CDK19: variants seen among roughly 807,000 people sequenced by gnomAD.
CDK19 encodes the protein cyclin dependent kinase 19, also known as cyclin-dependent kinase 19.
Under a neutral mutation model 68.3 loss-of-function variants are expected in CDK19, and 20 were observed. The ratio of observed to expected loss-of-function variants is 0.29; its 90% CI spans 0.21 to 0.43. The LOEUF is 0.43. CDK19 is among the 20% of genes least tolerant of loss of function. CDK19 has a pLI of 1.00. For missense variants in CDK19, 339 were observed against 623.5 expected, an observed-to-expected ratio of 0.54 and a Z score of 4.86; for synonymous variants, 221 against 222.8, an observed-to-expected ratio of 0.99 and a Z score of 0.07.
intron 2 of CDK19, among the ~76,000 whole-genome samples, chr6:110,743,142 C>A (rs1490602282): frequency 6.6e-6 from 1 of 152,018 alleles, no homozygotes; most frequent in African/African-American, 2.4e-5. Context: ...GCTGGTTCCC[C>A]CAATAAAACA....
At chr6:110,729,603 ATTT>A (rs35087722) in intron 2 of CDK19, among the ~76,000 whole-genome samples, 1 of 134,216 alleles carries the variant, frequency 7.5e-6, no homozygotes, top group Admixed American at 7.6e-5. Context: ...TAATTTTTGT[ATTT>A]TTTTTTTTTT....
At chr6:110,672,137 T>C (rs969446767) in intron 2 of CDK19, among the ~76,000 whole-genome samples, 21 of 152,156 alleles carry the variant, frequency 1.4e-4, no homozygotes, top group African/African-American at 5.1e-4. Context: ...TTGAAGCACT[T>C]ACACTGTGGC....
At chr6:110,654,712 G>A (rs1322195417) in intron 4 of CDK19, among the ~76,000 whole-genome samples, 1 of 152,146 alleles carries the variant, frequency 6.6e-6, no homozygotes, top group Admixed American at 6.5e-5. Context: ...AGGCCAAGGC[G>A]GGCAGATGAC....
intron 2 of CDK19, among the ~76,000 whole-genome samples, chr6:110,729,515 G>A (rs900240700): frequency 5.9e-5 from 9 of 151,974 alleles, no homozygotes; most frequent in Non-Finnish European, 1.3e-4. Context: ...TGCAACCTCT[G>A]CCTCCTGGGT....
chr6:110,800,104 C>A (rs1474758530), intron 1 of CDK19, among the ~76,000 whole-genome samples: 1 of 152,072 alleles, frequency 6.6e-6, no homozygotes, highest in Non-Finnish European at 1.5e-5. Flanking sequence ...AACCCACGGA[C>A]AAAAGAGCAC....
intron 2 of CDK19, among the ~76,000 whole-genome samples, chr6:110,673,580 G>A (rs1016053151): frequency 9.2e-5 from 14 of 151,580 alleles, no homozygotes; most frequent in African/African-American, 2.7e-4. Context: ...GTCTCACTAC[G>A]TTGTCCAGGC....
rs541689753 is a variant in CDK19 at position 110,653,491 on chromosome 6, T to C, written c.456+13943A>G. Reference sequence around the variant, plus strand: ...CCAAGTAACACAGACTATGCTTTACTAAAACTCCTCTTCTTACTGTGAACA... The same window carrying C: ...CCAAGTAACACAGACTATGCTTTACCAAAACTCCTCTTCTTACTGTGAACA... On this transcript the variant is annotated intron_variant, in intron 4 of 12. Transcript: ENST00000368911. Among the ~76,000 whole-genome samples the C allele has an allele frequency of 2.0e-5, 3 of 152,342 alleles. 1 individual carries two copies. The South Asian group carries it at 6.2e-4, about 32-fold the overall frequency.
At chr6:110,663,461 T>C (rs1164045023) in intron 4 of CDK19, among the ~76,000 whole-genome samples, 1 of 152,238 alleles carries the variant, frequency 6.6e-6, no homozygotes, top group East Asian at 1.9e-4. Flanking sequence ...ATGGCACAGA[T>C]ATCAGGACTC....
chr6:110,662,207 T>A lies in CDK19; in HGVS notation c.456+5227A>T, dbSNP rs142974645. On this transcript the variant is annotated intron_variant, in intron 4 of 12. Coordinates refer to ENST00000368911, the MANE Select transcript of CDK19 (RefSeq NM_015076.5). Reference sequence around the variant, plus strand: ...CTGGTCTCAAACTCCTGACCTCAGGTGATCCACCCGCCTTGGCCTCCTGAA... The same window carrying A: ...CTGGTCTCAAACTCCTGACCTCAGGAGATCCACCCGCCTTGGCCTCCTGAA... 8.4e-4 allele frequency among the ~76,000 whole-genome samples: 128 copies of A among 152,214 alleles called. 2 individuals carry two copies. The East Asian group carries it at 0.022, about 26-fold the overall frequency.
intron 1 of CDK19, among the ~76,000 whole-genome samples, chr6:110,805,513 G>A (rs1782620889): frequency 6.7e-6 from 1 of 150,158 alleles, no homozygotes; most frequent in South Asian, 2.1e-4. Flanking sequence ...TACCTAAAGG[G>A]TTGGTTCTGG....
chr6:110,630,685 CT>C (rs1383377184), intron 6 of CDK19, among the ~76,000 whole-genome samples: 1 of 152,238 alleles, frequency 6.6e-6, no homozygotes, highest in East Asian at 1.9e-4. Flanking sequence ...TTGGTAGCCT[CT>C]GATCTGCTGC....
At chr6:110,746,068 A>T in intron 2 of CDK19, 58 bp downstream of exon 2, 2 of 847,790 alleles carry the variant, frequency 2.4e-6, no homozygotes, top group Non-Finnish European at 1.8e-6. Flanking sequence ...TTTATATTAA[A>T]ATAAATCATC....
At position 110,779,974 on chromosome 6, in the gene CDK19, C is replaced by T. The variant is rs530749430; in HGVS notation, c.129-33773G>A. ...ATGGCTCACACCTGTAATCCCAGCA[C>T]TTCAGGAGGCCGAGGCAGGCAGATC... is the stretch of plus-strand genomic sequence containing the variant. On this transcript the variant is annotated intron_variant, in intron 1 of 12. Coordinates refer to ENST00000368911, the MANE Select transcript of CDK19 (RefSeq NM_015076.5). Among the ~76,000 whole-genome samples the T allele has an allele frequency of 6.6e-5, 10 of 152,148 alleles. No homozygotes were observed. In the South Asian group the frequency reaches 1.2e-3, roughly 19 times the overall value.
In CDK19 at chr6:110,614,517, T is replaced by A; in HGVS notation, c.*18A>T. On this transcript the variant is annotated 3_prime_UTR_variant, in exon 13 of 13. Transcript: ENST00000368911. ...GCCTGTGCTCTGGGCTGGGCTGGCC[T>A]GGCCCAACGGGAGCTGGTCAGTACC... The A allele has an allele frequency of 6.2e-7, 1 of 1,612,278 alleles. No individual in the cohort carries two copies. The highest frequency in any genetic ancestry group is 1.7e-4 in the Middle Eastern group (1 of 6,048).
At chr6:110,780,528 T>C (rs1340892331) in intron 1 of CDK19, among the ~76,000 whole-genome samples, 1 of 152,104 alleles carries the variant, frequency 6.6e-6, no homozygotes, top group Non-Finnish European at 1.5e-5. Context: ...ATACTTAAAC[T>C]TCCTAACAAA....
chr6:110,629,188 G>C (rs1779284924), intron 6 of CDK19, among the ~76,000 whole-genome samples: 1 of 152,166 alleles, frequency 6.6e-6, no homozygotes, highest in Admixed American at 6.5e-5. Flanking sequence ...AGTTCCCAGT[G>C]AACTGCTAAC....
Position 110,663,675 on chromosome 6 carries a change from G to A in CDK19, c.456+3759C>T, listed in dbSNP as rs182708525. 2.5e-3 allele frequency among the ~76,000 whole-genome samples: 384 copies of A among 152,270 alleles called. 1 individual carries two copies. The highest frequency in any genetic ancestry group is 8.7e-3 in the African/African-American group (363 of 41,540). On this transcript the variant is annotated intron_variant, in intron 4 of 12. Coordinates refer to ENST00000368911, the MANE Select transcript of CDK19 (RefSeq NM_015076.5). ...GCCTCCTCAGTAGCTGAAACTACAG[G>A]TATGCACCACCACACCCAGTTAATT... is the stretch of plus-strand genomic sequence containing the variant.
intron 2 of CDK19, among the ~76,000 whole-genome samples, chr6:110,677,901 G>C (rs929486773): frequency 3.9e-5 from 6 of 152,204 alleles, no homozygotes; most frequent in African/African-American, 1.4e-4. Flanking sequence ...CTAGGCTGGA[G>C]TACAGTGGCA....
At chr6:110,772,593 T>C (rs1472399251) in intron 1 of CDK19, among the ~76,000 whole-genome samples, 2 of 152,360 alleles carry the variant, frequency 1.3e-5, no homozygotes, top group East Asian at 3.9e-4. Flanking sequence ...CATTACTAAC[T>C]TTATGTCTAA....
Sources: gnomAD v4.1 joint callset for allele counts (sites outside exome capture counted in the v4.1 genomes callset) on GRCh38, gnomAD v4.1.1 for gene constraint, MANE v1.5 for transcripts, NCBI Gene and HGNC (gene_info 2026-07-23, HGNC 2026-07-21) for gene names.